Variants in RGS6 observed in about 807,000 individuals in gnomAD.
RGS6 encodes regulator of G protein signaling 6.
In RGS6, 30 loss-of-function variants were observed where a neutral mutation model predicts 78.5. The ratio of observed to expected loss-of-function variants is 0.38; its 90% CI spans 0.29 to 0.52. RGS6 has a LOEUF of 0.52. Among genes scored for constraint, RGS6 ranks in the 20% least tolerant of loss-of-function variants. The probability of loss-of-function intolerance (pLI) is 0.85; values close to 1 mark genes in which losing one functional copy is unlikely to be tolerated. For synonymous variants in RGS6, 206 were observed against 206.0 expected (o/e 1.00, Z 0.00); for missense variants, 495 against 609.7 (o/e 0.81, Z 1.98).
intron 2 of RGS6, among the ~76,000 whole-genome samples, chr14:72,216,013 G>A (rs957566417): frequency 6.6e-6 from 1 of 152,124 alleles, no homozygotes; most frequent in Non-Finnish European, 1.5e-5. Flanking sequence ...TGAGGTTCTG[G>A]AAAACGGAAA....
upstream of RGS6, among the ~76,000 whole-genome samples, chr14:71,931,684 T>A (rs1294598211): frequency 6.6e-6 from 1 of 152,236 alleles, no homozygotes; most frequent in East Asian, 1.9e-4. Flanking sequence ...GCACTAGTGA[T>A]CTTGTCCTAT....
the RGS6 span, among the ~76,000 whole-genome samples, chr14:72,614,293 G>C: frequency 6.6e-6 from 1 of 152,186 alleles, no homozygotes; most frequent in South Asian, 2.1e-4. Flanking sequence ...TCATAGGCCT[G>C]AGGCAAATTA....
the RGS6 span, among the ~76,000 whole-genome samples, chr14:71,911,719 GGAGT>G: frequency 1.3e-5 from 2 of 151,002 alleles, no homozygotes; most frequent in South Asian, 4.2e-4. Flanking sequence ...TCATAAATTT[GGAGT>G]GAAGAGCTTT....
chr14:72,537,687 C>T (rs938903027), intron 16 of RGS6: 6 of 628,000 alleles, frequency 9.6e-6, no homozygotes, highest in African/African-American at 9.2e-5. Flanking sequence ...CTTTTGATAA[C>T]TCCAGCCCAG....
the RGS6 span, among the ~76,000 whole-genome samples, chr14:71,880,382 G>A: frequency 6.6e-6 from 1 of 152,232 alleles, no homozygotes; most frequent in Admixed American, 6.5e-5. Context: ...CCAAGACAAT[G>A]GGGAAAATGT....
chr14:72,316,878 A>G (rs1443132287), intron 2 of RGS6, among the ~76,000 whole-genome samples: 2 of 149,684 alleles, frequency 1.3e-5, no homozygotes, highest in African/African-American at 5.0e-5. Flanking sequence ...CTAGGTATAG[A>G]GAATTGAAAG....
intron 2 of RGS6, among the ~76,000 whole-genome samples, chr14:72,212,839 T>C (rs914991243): frequency 1.3e-5 from 2 of 152,238 alleles, no homozygotes; most frequent in Non-Finnish European, 2.9e-5. Context: ...AGGATGCCAC[T>C]GGGTATCCTG....
intron 2 of RGS6, among the ~76,000 whole-genome samples, chr14:72,077,172 CTT>C (rs1340929837): frequency 6.6e-6 from 1 of 151,684 alleles, no homozygotes; most frequent in Non-Finnish European, 1.5e-5. Flanking sequence ...TAAATGAAAA[CTT>C]ATATTGATTT....
intron 3 of RGS6, among the ~76,000 whole-genome samples, chr14:72,432,635 C>A (rs1017527225): frequency 1.3e-5 from 2 of 152,212 alleles, no homozygotes; most frequent in African/African-American, 4.8e-5. Context: ...TTAGTCCTTG[C>A]TCCTGTCCAT....
intron 2 of RGS6, among the ~76,000 whole-genome samples, chr14:72,124,678 G>A (rs1423147682): frequency 6.6e-6 from 1 of 152,174 alleles, no homozygotes; most frequent in Non-Finnish European, 1.5e-5. Context: ...TATAGCTATA[G>A]AAATCAAAGG....
the RGS6 span, among the ~76,000 whole-genome samples, chr14:72,589,561 A>G: frequency 0.39 from 59,876 of 151,922 alleles, 12,332 homozygotes; most frequent in East Asian, 0.76. Context: ...AAAGAAAAAA[A>G]AATTGATGTA....
At chr14:72,181,113 GA>G (rs1164682549) in intron 2 of RGS6, among the ~76,000 whole-genome samples, 2 of 152,164 alleles carry the variant, frequency 1.3e-5, no homozygotes, top group Non-Finnish European at 2.9e-5. Context: ...TGTCTCTACA[GA>G]ATTGCTTTAA....
At chr14:72,518,754 A>C (rs1034126394) in intron 15 of RGS6, among the ~76,000 whole-genome samples, 1 of 152,230 alleles carries the variant, frequency 6.6e-6, no homozygotes, top group Non-Finnish European at 1.5e-5. Context: ...CAAAATGTGC[A>C]GTTATATGCT....
At chr14:72,392,082 A>G (rs2090120047) in intron 3 of RGS6, among the ~76,000 whole-genome samples, 1 of 152,028 alleles carries the variant, frequency 6.6e-6, no homozygotes, top group African/African-American at 2.4e-5. Flanking sequence ...ACAGTGGTGC[A>G]ATCTCGGCTC....
chr14:72,029,209 G>A (rs2090434563), intron 2 of RGS6, among the ~76,000 whole-genome samples: 1 of 152,190 alleles, frequency 6.6e-6, no homozygotes, highest in Non-Finnish European at 1.5e-5. Flanking sequence ...GAGCCCCGTA[G>A]TATAGTTTCA....
At chr14:72,016,180 T>C (rs1364643302) in intron 2 of RGS6, among the ~76,000 whole-genome samples, 1 of 152,220 alleles carries the variant, frequency 6.6e-6, no homozygotes, top group African/African-American at 2.4e-5. Context: ...AGTTTTCAAA[T>C]GTAGTGTTTC....
rs900900019 is a variant in RGS6 at position 72,562,677 on chromosome 14, T to G, written c.*210T>G. 4 of 1,535,996 alleles carry G rather than the reference T, an allele frequency of 2.6e-6. No homozygotes were observed. The African/African-American group carries it at 4.1e-5, about 16-fold the overall frequency. The stretch of plus-strand genomic sequence containing the variant: ...TCCACAGAGCCTGGGCTGGGCCCGG[T>G]GGAGGCTCCTGTTTACAGCCCTCTC... On this transcript the variant is annotated 3_prime_UTR_variant, in exon 18 of 18. Transcript: ENST00000553525.
chr14:71,905,753 G>A, the RGS6 span, among the ~76,000 whole-genome samples: 1 of 152,210 alleles, frequency 6.6e-6, no homozygotes, highest in Non-Finnish European at 1.5e-5. Context: ...GCCTCCCAAA[G>A]TGCTAGGATA....
rs1275827279 is a variant in RGS6 at position 71,948,738 on chromosome 14, CTCTTTTT to C, written c.-21+15799_-21+15805del. On this transcript the variant is annotated intron_variant, in intron 1 of 17. Coordinates refer to ENST00000553525, the MANE Select transcript of RGS6 (RefSeq NM_001204424.2). The stretch of plus-strand genomic sequence containing the variant: ...AAGCTGATTTCCTTTCTCTCTCTCT[CTCTTTTT>C]TTTTTTTTTTTTTTTTTTTTTAAAG... Among the ~76,000 whole-genome samples, 363 of 75,224 alleles carry C rather than the reference CTCTTTTT, an allele frequency of 4.8e-3. 7 individuals are homozygous for C. Among genetic ancestry groups the C allele is most frequent in the African/African-American group, 0.022 (337 of 15,144 alleles). 49.3% of individuals were successfully genotyped at this position (75,224 alleles called of 152,430 possible).
Sources: gnomAD v4.1 joint callset for allele counts (sites outside exome capture counted in the v4.1 genomes callset) on GRCh38, gnomAD v4.1.1 for gene constraint, MANE v1.5 for transcripts, NCBI Gene and HGNC (gene_info 2026-07-23, HGNC 2026-07-21) for gene names.